The following SEC24D variants were observed in gnomAD, a reference collection of about 807,000 sequenced individuals.
SEC24D encodes SEC24 homolog D, COPII component, also known as protein transport protein Sec24D.
SEC24D carries 69 observed loss-of-function variants against 116.9 expected under a neutral mutation model. The ratio of observed to expected loss-of-function variants is 0.59; its 90% CI spans 0.49 to 0.72. The LOEUF is 0.72. Ranked by LOEUF, SEC24D falls within the 30% of genes least tolerant of loss-of-function variation. The pLI is 0.00. For synonymous variants in SEC24D, 405 were observed against 442.8 expected (o/e 0.91, Z 1.07); for missense variants, 1,131 against 1,264.1 (o/e 0.89, Z 1.60).
intron 15 of SEC24D, among the ~76,000 whole-genome samples, chr4:118,742,038 C>T (rs1419056791): frequency 6.6e-6 from 1 of 152,076 alleles, no homozygotes; most frequent in Non-Finnish European, 1.5e-5. Context: ...CTGGCTTTTC[C>T]TCTGCTGCAT....
chr4:118,779,666 T>G (rs542188329), intron 8 of SEC24D, among the ~76,000 whole-genome samples: 2 of 152,358 alleles, frequency 1.3e-5, no homozygotes, highest in African/African-American at 2.4e-5. Context: ...TAGAATAGTT[T>G]CAGAAGGAAT....
rs1185148886 is a variant in SEC24D, at chr4:118,751,176, C to CTTTTTTTTTTTTTTTTTTTTTT, written c.1707+819_1707+820insAAAAAAAAAAAAAAAAAAAAAA. On this transcript the variant is annotated intron_variant, in intron 13 of 22. Coordinates refer to ENST00000280551, the MANE Select transcript of SEC24D (RefSeq NM_014822.4). The stretch of plus-strand genomic sequence containing the variant: ...TAATAATGATGATTTAGAGTGAGGG[C>CTTTTTTTTTTTTTTTTTTTTTT]TTTTTTTTTTTTTTTTTTTGAGATG... Among the ~76,000 whole-genome samples the CTTTTTTTTTTTTTTTTTTTTTT allele has an allele frequency of 2.5e-4, 25 of 100,320 alleles. 2 individuals are homozygous for CTTTTTTTTTTTTTTTTTTTTTT. The highest frequency in any genetic ancestry group is 7.2e-4 in the East Asian group (2 of 2,766). 65.8% of individuals were successfully genotyped at this position (100,320 alleles called of 152,430 possible). A position where few individuals can be genotyped will look rare whatever the true frequency, so the allele number is the denominator to read the frequency against.
intron 21 of SEC24D, 96 bp downstream of exon 21, chr4:118,731,215 TTATTA>T (rs1725667430): frequency 1.1e-6 from 1 of 897,948 alleles, no homozygotes; most frequent in Admixed American, 2.1e-5. Flanking sequence ...AATATATGCC[TTATTA>T]TTTTTCTTTC....
Position 118,802,983 on chromosome 4 carries a change from A to G in SEC24D, c.913+2860T>C, listed in dbSNP as rs568851674. 6.6e-5 allele frequency among the ~76,000 whole-genome samples: 10 copies of G among 152,352 alleles called. No homozygotes were observed. The South Asian group carries it at 1.9e-3, about 28-fold the overall frequency. ...GAAAATATTATACTAAGTAAAATAA[A>G]CCAGACAGAAAAGGGCAAATATTGT... On this transcript the variant is annotated intron_variant, in intron 7 of 22. Transcript: ENST00000280551.
At chr4:118,738,497 G>A in intron 18 of SEC24D, 118 bp from the exon 19 acceptor site, 1 of 740,816 alleles carries the variant, frequency 1.3e-6, no homozygotes, top group Non-Finnish European at 2.4e-6. Flanking sequence ...AAGAATAATA[G>A]CATTTAAATC....
rs1175911134 is a variant in SEC24D, at chr4:118,741,902, TAAG to T, written c.1996-868_1996-866del. Among the ~76,000 whole-genome samples, 4 of 152,296 alleles carry T rather than the reference TAAG, an allele frequency of 2.6e-5. No individual in the cohort carries two copies. In the East Asian group the frequency reaches 7.7e-4, roughly 29 times the overall value. On this transcript the variant is annotated intron_variant, in intron 15 of 22. Transcript: ENST00000280551. ...CTATTAAAATTTGTATTGTTGAAGA[TAAG>T]AAAGAAATGCTACGGCAGGATTCAG...
chr4:118,813,824 G>A (rs12651339), intron 6 of SEC24D, among the ~76,000 whole-genome samples: 2 of 152,298 alleles, frequency 1.3e-5, no homozygotes, highest in East Asian at 3.9e-4. Context: ...ATTTGTTACA[G>A]CAGCCACAGG....
chr4:118,748,721 A>G (rs1726668206), intron 13 of SEC24D, among the ~76,000 whole-genome samples: 1 of 151,956 alleles, frequency 6.6e-6, no homozygotes, highest in South Asian at 2.1e-4. Context: ...AGAAAAGACT[A>G]TCCTAGAATT....
chr4:118,828,048 T>A (rs1168412808), intron 2 of SEC24D, among the ~76,000 whole-genome samples: 1 of 151,964 alleles, frequency 6.6e-6, no homozygotes, highest in Non-Finnish European at 1.5e-5. Flanking sequence ...TCCACCTATA[T>A]AAGCTCACTA....
chr4:118,824,778 T>C, intron 2 of SEC24D, 29 bp from the exon 3 acceptor site: 1 of 1,544,074 alleles, frequency 6.5e-7, no homozygotes, highest in East Asian at 2.3e-5. Context: ...AATTTAGAAG[T>C]GTATTAAAGT....
At chr4:118,784,744 C>CG (rs944761477) in intron 8 of SEC24D, among the ~76,000 whole-genome samples, 2 of 151,160 alleles carry the variant, frequency 1.3e-5, no homozygotes, top group Non-Finnish European at 3.0e-5. Flanking sequence ...TCCCTGCCCC[C>CG]CCCCCCGCCA....
At position 118,778,564 on chromosome 4, in the gene SEC24D, T is replaced by G. The variant is rs552488902; in HGVS notation, c.1042-10253A>C. 3.3e-3 allele frequency among the ~76,000 whole-genome samples: 506 copies of G among 152,302 alleles called. 4 individuals are homozygous for G. Among genetic ancestry groups the G allele is most frequent in the African/African-American group, 0.011 (472 of 41,570 alleles). On this transcript the variant is annotated intron_variant, in intron 8 of 22. Transcript: ENST00000280551. ...GTGATGCCTCCAGCTTTGTTCTTTT[T>G]GCTTAGGATTGCTTTGGCAATGCAG...
chr4:118,751,175 G>GATTTTTTTTTT (rs1560635909), intron 13 of SEC24D, among the ~76,000 whole-genome samples: 2 of 97,328 alleles, frequency 2.1e-5, no homozygotes, highest in Admixed American at 1.3e-4. Flanking sequence ...TAGAGTGAGG[G>GATTTTTTTTTT]CTTTTTTTTT....
intron 20 of SEC24D, 65 bp from the exon 21 acceptor site, chr4:118,731,572 T>C: frequency 7.0e-7 from 1 of 1,418,718 alleles, no homozygotes; most frequent in South Asian, 1.2e-5. Context: ...TCCTTCCTCT[T>C]TTCCTTTCCT....
chr4:118,780,906 G>GATTTTTTTTTTTTTTTTTT (rs1728368824), intron 8 of SEC24D, among the ~76,000 whole-genome samples: 1 of 106,116 alleles, frequency 9.4e-6, no homozygotes, highest in Non-Finnish European at 1.9e-5. Context: ...TGCAACCCCT[G>GATTTTTTTTTTTTTTTTTT]CTTTTTTTTT....
At chr4:118,725,625 T>G (rs1268889042) in intron 22 of SEC24D, among the ~76,000 whole-genome samples, 2 of 152,182 alleles carry the variant, frequency 1.3e-5, no homozygotes, top group Admixed American at 6.5e-5. Flanking sequence ...GGTTTTTTTT[T>G]TTGTTTTTGT....
intron 13 of SEC24D, among the ~76,000 whole-genome samples, chr4:118,750,839 A>G (rs1044451058): frequency 2.6e-5 from 4 of 151,986 alleles, no homozygotes; most frequent in Non-Finnish European, 5.9e-5. Context: ...TTTATGTTAA[A>G]TTGACATATA....
chr4:118,726,590 A>C (rs895057867), intron 22 of SEC24D, among the ~76,000 whole-genome samples: 1 of 152,198 alleles, frequency 6.6e-6, no homozygotes. Flanking sequence ...GGCAGCTTCT[A>C]TGAAGGTAGA....
Position 118,780,906 on chromosome 4 carries a change from G to GA in SEC24D, c.1042-12596_1042-12595insT, listed in dbSNP as rs1728368824. 1.0e-3 allele frequency among the ~76,000 whole-genome samples: 108 copies of GA among 106,106 alleles called. 1 individual carries two copies. The highest frequency in any genetic ancestry group is 5.2e-3 in the Middle Eastern group (1 of 192). The allele number at this position is 106,106 out of a possible 152,430, so 69.6% of individuals were successfully genotyped here. A position where few individuals can be genotyped will look rare whatever the true frequency, so the allele number is the denominator to read the frequency against. On this transcript the variant is annotated intron_variant, in intron 8 of 22. Coordinates refer to ENST00000280551, the MANE Select transcript of SEC24D (RefSeq NM_014822.4). Reference sequence around the variant, plus strand: ...ATCAGAGACTAGGATTGCAACCCCTGCTTTTTTTTTTTTTTTTTTTTTTTT... The same window carrying GA: ...ATCAGAGACTAGGATTGCAACCCCTGACTTTTTTTTTTTTTTTTTTTTTTTT...
Sources: allele counts gnomAD v4.1 joint callset (sites outside exome capture counted in the v4.1 genomes callset), GRCh38; gene constraint gnomAD v4.1.1; transcripts MANE v1.5; gene names NCBI Gene and HGNC (gene_info 2026-07-23, HGNC 2026-07-21).